The following KIF5C variants were observed in gnomAD, a reference collection of about 807,000 sequenced individuals.
The protein encoded by KIF5C is kinesin heavy chain isoform 5C.
In KIF5C, 18 loss-of-function variants were observed where a neutral mutation model predicts 125.2. The observed-to-expected ratio is 0.14, with a 90% CI of 0.10 to 0.21. KIF5C has a LOEUF of 0.21. KIF5C is among the 10% of genes least tolerant of loss of function. KIF5C has a pLI of 1.00. For missense variants in KIF5C, 780 were observed against 1,183.8 expected (o/e 0.66, Z 5.01); for synonymous variants, 405 against 434.0 (o/e 0.93, Z 0.83).
rs11319928 is a variant in KIF5C at position 148,884,971 on chromosome 2, G to GTT, written c.126+9244_126+9245dup. On this transcript the variant is annotated intron_variant, in intron 1 of 25. Transcript: ENST00000435030. ...CCCTCACAATGGCCATGTCCTAATTGTTTTTTTTTTTTTTTTTGAGACGGA... is the reference window on the plus strand; with the variant it reads ...CCCTCACAATGGCCATGTCCTAATTGTTTTTTTTTTTTTTTTTTTGAGACGGA... Among the ~76,000 whole-genome samples, 671 of 104,264 alleles carry GTT rather than the reference G, an allele frequency of 6.4e-3. 3 individuals are homozygous for GTT. Among genetic ancestry groups the GTT allele is most frequent in the African/African-American group, 0.022 (633 of 28,960 alleles). The allele number at this position is 104,264 out of a possible 152,430, so 68.4% of individuals were successfully genotyped here.
intron 11 of KIF5C, 34 bp from the exon 12 acceptor site, chr2:148,973,302 T>A: frequency 6.3e-7 from 1 of 1,584,522 alleles, no homozygotes; most frequent in African/African-American, 1.4e-5. Context: ...CTCAATTTCT[T>A]TAATCCCCAA....
intron 25 of KIF5C, among the ~76,000 whole-genome samples, chr2:149,015,679 G>A (rs1682338596): frequency 6.6e-6 from 1 of 152,244 alleles, no homozygotes; most frequent in African/African-American, 2.4e-5. Context: ...CAAATCCACA[G>A]GGGGCTGCCT....
At chr2:149,008,593 A>C (rs985960380) in intron 23 of KIF5C, among the ~76,000 whole-genome samples, 15 of 152,150 alleles carry the variant, frequency 9.9e-5, no homozygotes, top group Non-Finnish European at 1.9e-4. Flanking sequence ...GATGCCTGCG[A>C]TGTGCTGGCA....
rs1463828140 is a variant in KIF5C at position 149,007,977 on chromosome 2, C to T, written c.2460C>T (p.Asp820=). The T allele has an allele frequency of 6.8e-6, 11 of 1,608,186 alleles. No individual in the cohort carries two copies. The highest frequency in any genetic ancestry group is 1.3e-5 in the African/African-American group (1 of 74,960). Residue 820 remains aspartate, a synonymous_variant, in exon 23 of 26, where the codon GAC becomes GAT. Coordinates refer to ENST00000435030, the MANE Select transcript of KIF5C (RefSeq NM_004522.3). ...TTRVKKSVEL[D]NDDGGGSAAQ... The stretch of plus-strand genomic sequence containing the variant: ...TGTCAATGCAGAGTGTGGAGTTGGA[C>T]AACGATGATGGAGGGGGCAGTGCTG...
intron 1 of KIF5C, chr2:148,878,053 T>C (rs1479935279): frequency 6.6e-6 from 1 of 152,240 alleles, no homozygotes; most frequent in Non-Finnish European, 1.5e-5. Context: ...AATCCTTTAA[T>C]ACAACAGTTT....
chr2:148,901,192 A>G (rs1360146696), intron 1 of KIF5C, among the ~76,000 whole-genome samples: 1 of 152,258 alleles, frequency 6.6e-6, no homozygotes, highest in Non-Finnish European at 1.5e-5. Context: ...AAATAAAGCA[A>G]TATGAGAAAG....
intron 3 of KIF5C, among the ~76,000 whole-genome samples, chr2:148,933,454 C>A (rs1390461062): frequency 6.6e-6 from 1 of 151,726 alleles, no homozygotes; most frequent in Non-Finnish European, 1.5e-5. Flanking sequence ...TTCCACCCCC[C>A]CCACATACAT....
intron 25 of KIF5C, among the ~76,000 whole-genome samples, chr2:149,016,603 G>A (rs534930217): frequency 6.6e-5 from 10 of 152,322 alleles, no homozygotes; most frequent in Admixed American, 5.2e-4. Flanking sequence ...AGGGAAAATC[G>A]GGGGATGAGC....
In KIF5C at chr2:149,022,696, G is replaced by A. The variant is rs184277910; in HGVS notation, c.*8-382G>A. Among the ~76,000 whole-genome samples the A allele has an allele frequency of 7.5e-3, 1,136 of 152,186 alleles. 7 individuals are homozygous for A. Among genetic ancestry groups the A allele is most frequent in the African/African-American group, 0.026 (1,083 of 41,498 alleles). Reference sequence around the variant, plus strand: ...CCCAGCACTTTGGGAGGCCGAGGTGGGTGGATCACCTGAGGTCAGGAATTT... The same window carrying A: ...CCCAGCACTTTGGGAGGCCGAGGTGAGTGGATCACCTGAGGTCAGGAATTT... On this transcript the variant is annotated intron_variant, in intron 25 of 25. Transcript: ENST00000435030.
intron 15 of KIF5C, among the ~76,000 whole-genome samples, chr2:148,988,299 A>T (rs1254039617): frequency 6.6e-6 from 1 of 152,216 alleles, no homozygotes; most frequent in Non-Finnish European, 1.5e-5. Flanking sequence ...CATCAGGCAC[A>T]AACTCAAAAT....
chr2:148,942,897 C>T (rs916633855), intron 7 of KIF5C, 137 bp downstream of exon 7: 52 of 1,452,724 alleles, frequency 3.6e-5, no homozygotes, highest in Middle Eastern at 2.3e-4. Context: ...CGGACACAGA[C>T]GCCAGGGTAT....
At chr2:148,998,197 TG>T in intron 18 of KIF5C, 3 of 811,994 alleles carry the variant, frequency 3.7e-6, no homozygotes, top group Non-Finnish European at 5.6e-6. Flanking sequence ...AGGGCCAACT[TG>T]GTTTGATAAC....
At chr2:148,880,030 T>C (rs997790353) in intron 1 of KIF5C, among the ~76,000 whole-genome samples, 1 of 152,204 alleles carries the variant, frequency 6.6e-6, no homozygotes, top group African/African-American at 2.4e-5. Context: ...GAAATACAGC[T>C]ACACCTTAAA....
At chr2:148,950,746 T>C (rs1436640544) in intron 10 of KIF5C, among the ~76,000 whole-genome samples, 2 of 151,138 alleles carry the variant, frequency 1.3e-5, no homozygotes, top group Non-Finnish European at 2.9e-5. Flanking sequence ...GAGGTGGAGG[T>C]TGCAGTGAGC....
intron 23 of KIF5C, 55 bp from the exon 24 acceptor site, chr2:149,010,080 T>G: frequency 6.7e-7 from 1 of 1,496,816 alleles, no homozygotes; most frequent in Non-Finnish European, 8.9e-7. Context: ...CTGCTCTGGT[T>G]TGTGCAATGC....
At chr2:149,003,375 A>G (rs1681913953) in intron 21 of KIF5C, among the ~76,000 whole-genome samples, 1 of 152,240 alleles carries the variant, frequency 6.6e-6, no homozygotes, top group Admixed American at 6.5e-5. Flanking sequence ...GAAAAGGCCA[A>G]CTGGCCGTCG....
chr2:149,003,437 G>T (rs1035559254), intron 21 of KIF5C, among the ~76,000 whole-genome samples: 7 of 152,230 alleles, frequency 4.6e-5, no homozygotes, highest in African/African-American at 1.7e-4. Flanking sequence ...CACTGTCTGG[G>T]CTTTGGGGCG....
intron 3 of KIF5C, among the ~76,000 whole-genome samples, chr2:148,934,666 G>A (rs1682254197): frequency 6.6e-6 from 1 of 150,730 alleles, no homozygotes; most frequent in African/African-American, 2.4e-5. Context: ...CACATCACAA[G>A]CACCCCCACA....
intron 12 of KIF5C, among the ~76,000 whole-genome samples, chr2:148,975,703 T>C (rs1013187109): frequency 1.3e-5 from 2 of 152,214 alleles, no homozygotes; most frequent in East Asian, 3.9e-4. Flanking sequence ...GGCTATGCTG[T>C]GTGATGGGAG....
Sources: allele counts gnomAD v4.1 joint callset (sites outside exome capture counted in the v4.1 genomes callset), GRCh38; gene constraint gnomAD v4.1.1; transcripts MANE v1.5; gene names NCBI Gene and HGNC (gene_info 2026-07-23, HGNC 2026-07-21).